TTN: variants seen among roughly 807,000 people sequenced by gnomAD.
TTN encodes the protein connectin.
In TTN, 1,525 loss-of-function variants were observed where a neutral mutation model predicts 3,223.0. That is an observed-to-expected ratio of 0.47 (90% CI 0.45 to 0.49). TTN has a LOEUF of 0.49. TTN is among the 20% of genes least tolerant of loss of function. The pLI is 0.00. For missense variants in TTN, 40,786 were observed against 43,424.0 expected, an observed-to-expected ratio of 0.94 and a Z score of 5.40; for synonymous variants, 14,094 against 15,161.0, an observed-to-expected ratio of 0.93 and a Z score of 5.17.
chr2:178,554,586 A>G lies in TTN; in HGVS notation c.88761T>C (p.His29587=), dbSNP rs1332136041. The G allele has an allele frequency of 1.2e-6, 2 of 1,613,750 alleles. No homozygotes were observed. Among genetic ancestry groups the G allele is most frequent in the Non-Finnish European group, 1.7e-6 (2 of 1,179,852 alleles). The change falls in exon 332 of 363, where the codon CAT becomes CAC. Residue 29587 remains histidine, a synonymous_variant. Transcript: ENST00000589042. ...SRVVWSMVSE[H]LEECIITTTK... ...TGGTTGTAATGATGCACTCTTCCAA[A>G]TGTTCAGACACCATAGACCACACAA...
chr2:178,714,996 G>A lies in TTN; in HGVS notation c.26190C>T (p.Ile8730=), dbSNP rs1419862291. 6.2e-6 allele frequency: 10 copies of A among 1,608,626 alleles called. No individual in the cohort carries two copies. The highest frequency in any genetic ancestry group is 5.6e-5 in the South Asian group (5 of 89,966). ...DVGSDTCVGS[I]ALKAPPRFVK... ...TGCAGTCCATCTAACCTTTGAGAGC[G>A]ATGGAACCAACGCAAGTGTCGCTTC... Residue 8730 remains isoleucine (I), a synonymous_variant, in exon 90 of 363, where the codon ATC becomes ATT. Coordinates refer to ENST00000589042, the MANE Select transcript of TTN (RefSeq NM_001267550.2).
rs1013352780 is a variant in TTN, at chr2:178,573,541, G to A, written c.72591C>T (p.Val24197=). ...LLKGNEYIFR[V]MAVNKYGVGE... ...CCACTCCATATTTATTTACAGCCAT[G>A]ACACGGAATATGTATTCATTGCCTT... Residue 24197 remains valine (V), a synonymous_variant, in exon 326 of 363, where the codon GTC becomes GTT. Transcript: ENST00000589042. 8 of 1,496,926 alleles carry A rather than the reference G, an allele frequency of 5.3e-6. No homozygotes were observed. The highest frequency in any genetic ancestry group is 6.2e-6 in the Non-Finnish European group (7 of 1,125,746). 92.7% of individuals were successfully genotyped at this position (1,496,926 alleles called of 1,614,324 possible).
At chr2:178,542,031 C>T in intron 349 of TTN, 2 of 393,420 alleles carry the variant, frequency 5.1e-6, no homozygotes, top group Non-Finnish European at 9.0e-6. Flanking sequence ...CTCCTCTTCT[C>T]TTTCATAAGA....
At chr2:178,745,907 C>A (rs1259351391) in intron 47 of TTN, 1 of 1,609,328 alleles carries the variant, frequency 6.2e-7, no homozygotes, top group African/African-American at 1.3e-5. Context: ...TGTGTAGTTG[C>A]TCTTTAAGAC....
rs370375696 is a variant in TTN at position 178,574,019 on chromosome 2, G to A, written c.72113C>T (p.Thr24038Met). The A allele has an allele frequency of 6.7e-4, 1,074 of 1,613,290 alleles. 19 individuals carry two copies. In the South Asian group the frequency reaches 0.011, roughly 17 times the overall value. ...TGCTTCACCTGCTTTTAATATAACC[G>A]TGTCCTTAAATTTAACATCCACCTT... Reference protein sequence around the residue: ...KIKVDVKFKDTVILKAGEAFR... With the variant: ...KIKVDVKFKDMVILKAGEAFR... Residue 24038 changes from threonine (T) to methionine (M), a missense_variant, in exon 326 of 363, where the codon ACG becomes ATG. Thr to Met is a moderately conservative substitution (Grantham distance 81). Coordinates refer to ENST00000589042, the MANE Select transcript of TTN (RefSeq NM_001267550.2).
intron 49 of TTN, 130 bp downstream of exon 49, chr2:178,737,952 A>C (rs561704736): frequency 6.0e-6 from 7 of 1,168,568 alleles, no homozygotes; most frequent in Middle Eastern, 4.9e-4. Context: ...GTACCTACCT[A>C]CCATGTTACT....
intron 341 of TTN, 28 bp downstream of exon 341, chr2:178,546,572 A>T: frequency 6.3e-7 from 1 of 1,594,796 alleles, no homozygotes; most frequent in South Asian, 1.1e-5. Flanking sequence ...AGATAATTTT[A>T]AAAAGGAGAA....
Position 178,576,256 on chromosome 2 carries a change from T to G in TTN, c.69876A>C (p.Thr23292=), listed in dbSNP as rs1267766480. The change falls in exon 326 of 363, where the codon ACA becomes ACC. Residue 23292 remains threonine, a synonymous_variant. Coordinates refer to ENST00000589042, the MANE Select transcript of TTN (RefSeq NM_001267550.2). This position sits in a 1 kb window ranked among gnomAD's most constrained non-coding sequence, Gnocchi z 4.3. ...ACTGAGTGATTCTGAGGGCGGTTCC[T>G]GTGGTATCTTTTATCCAGGCCTCGT... ...VGDEAWIKDT[T]GTALRITQFV... The G allele has an allele frequency of 4.3e-6, 7 of 1,611,624 alleles. No individual in the cohort carries two copies. In the African/African-American group the frequency reaches 9.4e-5, roughly 22 times the overall value.
rs774131659 is a variant in TTN, at chr2:178,531,955, G to T, written c.104660C>A (p.Pro34887His). 4.3e-6 allele frequency: 7 copies of T among 1,613,546 alleles called. No individual in the cohort carries two copies. The highest frequency in any genetic ancestry group is 5.9e-6 in the Non-Finnish European group (7 of 1,179,748). ...TGATCTCTCACTAGACACAGGGCTG[G>T]GGGATCGTGGGCGAGTTCTCTCTGG... ...PTPERTRPRSPSPVSSERSLS... is the reference protein window; with the variant it reads ...PTPERTRPRSHSPVSSERSLS... The change falls in exon 358 of 363, where the codon CCC becomes CAC. Residue 34887 changes from proline (P) to histidine (H), a missense_variant. Pro to His is a moderately conservative substitution (Grantham distance 77). Coordinates refer to ENST00000589042, the MANE Select transcript of TTN (RefSeq NM_001267550.2).
In TTN at chr2:178,766,376, C is replaced by T. The variant is rs2090429977; in HGVS notation, c.9703+5G>A. Reference sequence around the variant, plus strand: ...CAAAATATGCTGAAATCTGTCCCTACATACCATTGACATAGAGAGTGACAG... The same window carrying T: ...CAAAATATGCTGAAATCTGTCCCTATATACCATTGACATAGAGAGTGACAG... On this transcript the variant is annotated splice_donor_5th_base_variant and intron_variant, in intron 41 of 362. Coordinates refer to ENST00000589042, the MANE Select transcript of TTN (RefSeq NM_001267550.2). 6.3e-7 allele frequency: 1 copy of T among 1,591,996 alleles called. No individual in the cohort carries two copies. The highest frequency in any genetic ancestry group is 8.6e-7 in the Non-Finnish European group (1 of 1,159,786).
Position 178,615,771 on chromosome 2 carries a change from A to G in TTN, c.48330T>C (p.Thr16110=), listed in dbSNP as rs557105262. The G allele has an allele frequency of 2.4e-5, 38 of 1,611,520 alleles. No homozygotes were observed. The South Asian group carries it at 4.0e-4, about 17-fold the overall frequency. Residue 16110 remains threonine, a synonymous_variant, in exon 258 of 363, where the codon ACT becomes ACC. Coordinates refer to ENST00000589042, the MANE Select transcript of TTN (RefSeq NM_001267550.2). Reference sequence around the variant, plus strand: ...GATCAGGAACTGTGAATTCTAGATCAGTCACAAAGTCCATAACCTGGGACA... The same window carrying G: ...GATCAGGAACTGTGAATTCTAGATCGGTCACAAAGTCCATAACCTGGGACA... The part of the protein sequence containing the change: ...KTWTKVMDFV[T]DLEFTVPDLV...
rs1205641736 is a variant in TTN at position 178,598,017 on chromosome 2, T to C, written c.57153A>G (p.Thr19051=). The change falls in exon 293 of 363, where the codon ACA becomes ACG. Residue 19051 remains threonine, a synonymous_variant. Coordinates refer to ENST00000589042, the MANE Select transcript of TTN (RefSeq NM_001267550.2). The stretch of plus-strand genomic sequence containing the variant: ...TGTAGAATGCTCCTTCCTTTAATCC[T>C]GTCACAACAAGCTTTGTTCCTCTCA... ...KEVRGTKLVV[T]GLKEGAFYKF... The C allele has an allele frequency of 3.1e-6, 5 of 1,613,238 alleles. No homozygotes were observed. The highest frequency in any genetic ancestry group is 1.3e-5 in the African/African-American group (1 of 74,914).
chr2:178,708,850 G>C (rs2076241552), intron 99 of TTN, among the ~76,000 whole-genome samples: 1 of 152,072 alleles, frequency 6.6e-6, no homozygotes, highest in East Asian at 1.9e-4. Flanking sequence ...TTAATTCCAG[G>C]CTGCTCTAGG....
Position 178,547,718 on chromosome 2 carries a change from A to G in TTN, c.93908T>C (p.Val31303Ala), listed in dbSNP as rs1697801738. The G allele has an allele frequency of 6.2e-7, 1 of 1,613,864 alleles. No homozygotes were observed. The highest frequency in any genetic ancestry group is 2.2e-5 in the East Asian group (1 of 44,850). ...TGGACCTGGCCTTCCAATGACCACA[A>G]CTGTGACGCTAAATGTTTTAACACC... ...TAGVKTFSVT[V>A]VVIGRPGPVT... The change falls in exon 339 of 363, where the codon GTT becomes GCT. Residue 31303 changes from valine (V) to alanine (A), a missense_variant. Coordinates refer to ENST00000589042, the MANE Select transcript of TTN (RefSeq NM_001267550.2).
chr2:178,751,675 A>C (rs1157117004), intron 47 of TTN: 2 of 1,613,376 alleles, frequency 1.2e-6, no homozygotes, highest in Non-Finnish European at 1.7e-6. Context: ...TATAACTTCC[A>C]GAATCTCTGT....
intron 40 of TTN, among the ~76,000 whole-genome samples, chr2:178,767,239 T>G (rs766434661): frequency 6.6e-6 from 1 of 152,218 alleles, no homozygotes; most frequent in Non-Finnish European, 1.5e-5. Flanking sequence ...TGGACACTTA[T>G]GAGGACAAGC....
intron 250 of TTN, chr2:178,619,408 T>C: frequency 1.7e-6 from 1 of 588,654 alleles, no homozygotes; most frequent in Non-Finnish European, 2.9e-6. Flanking sequence ...TACTAGCAAC[T>C]GTCCAAGGCT....
rs939900893 is a variant in TTN, at chr2:178,779,823, T to G, written c.3729+177A>C. ...ATTTATGGCCTATATGTAATCTCTA[T>G]TTCTAAACTCACAGGTGCAACATAC... On this transcript the variant is annotated intron_variant, in intron 22 of 362. Coordinates refer to ENST00000589042, the MANE Select transcript of TTN (RefSeq NM_001267550.2). 6.3e-6 allele frequency: 4 copies of G among 638,074 alleles called. No individual in the cohort carries two copies. The African/African-American group carries it at 7.4e-5, about 12-fold the overall frequency. The allele number at this position is 638,074 out of a possible 1,614,324, so 39.5% of individuals were successfully genotyped here. A position where few individuals can be genotyped will look rare whatever the true frequency, so the allele number is the denominator to read the frequency against.
chr2:178,557,703 G>A lies in TTN; in HGVS notation c.87651C>T (p.Arg29217=). Residue 29217 remains arginine, a synonymous_variant, in exon 328 of 363, where the codon CGC becomes CGT. Transcript: ENST00000589042. ...AATCTATATGATCACTGATGCCAAA[G>A]CGGTTTTCTGCCTTGATGCGGAATT... ...EYQFRIKAEN[R]FGISDHIDSA... 6.2e-7 allele frequency: 1 copy of A among 1,613,958 alleles called. No individual in the cohort carries two copies. Among genetic ancestry groups the A allele is most frequent in the South Asian group, 1.1e-5 (1 of 91,078 alleles).
Sources: gnomAD v4.1 joint callset for allele counts (sites outside exome capture counted in the v4.1 genomes callset) on GRCh38, gnomAD v4.1.1 for gene constraint, Gnocchi (gnomAD v3.1) non-coding constraint, MANE v1.5 for transcripts, NCBI Gene and HGNC (gene_info 2026-07-23, HGNC 2026-07-21) for gene names.